Variants in RYR2 observed in about 807,000 individuals in gnomAD.
RYR2 encodes the protein ryanodine receptor 2.
In RYR2, 227 loss-of-function variants were observed where a neutral mutation model predicts 601.1. The ratio of observed to expected loss-of-function variants is 0.38; its 90% confidence interval spans 0.34 to 0.42. The LOEUF is 0.42. Ranked by LOEUF, RYR2 falls within the 10% of genes least tolerant of loss-of-function variation. The probability of loss-of-function intolerance (pLI) is 1.00; values close to 1 mark genes in which losing one functional copy is unlikely to be tolerated. For missense variants in RYR2, 4,646 were observed against 6,156.5 expected (o/e 0.75, Z 8.21); for synonymous variants, 2,223 against 2,175.1 (o/e 1.02, Z -0.61).
At chr1:237,675,583 T>G (rs1685324373) in intron 60 of RYR2, among the ~76,000 whole-genome samples, 1 of 152,164 alleles carries the variant, frequency 6.6e-6, no homozygotes, top group African/African-American at 2.4e-5. Flanking sequence ...TGGTGGTTAT[T>G]CATTTATTTT....
At chr1:237,511,863 G>GAAA (rs1665952835) in intron 24 of RYR2, 72 bp downstream of exon 24, 10 of 795,060 alleles carry the variant, frequency 1.3e-5, no homozygotes, top group Admixed American at 9.5e-5. Flanking sequence ...AAAAAAACAG[G>GAAA]TATTGATGCT....
intron 1 of RYR2, among the ~76,000 whole-genome samples, chr1:237,158,155 T>C (rs559800635): frequency 2.4e-4 from 37 of 152,354 alleles, no homozygotes; most frequent in Non-Finnish European, 2.4e-4. Flanking sequence ...GTACATGGCA[T>C]AGAAAGTACC....
intron 1 of RYR2, among the ~76,000 whole-genome samples, chr1:237,174,377 C>T (rs1473890415): frequency 6.6e-6 from 1 of 152,148 alleles, no homozygotes; most frequent in Non-Finnish European, 1.5e-5. Context: ...TCTTACATGA[C>T]CTGGTTTCCT....
intron 1 of RYR2, among the ~76,000 whole-genome samples, chr1:237,202,207 G>T (rs1292715775): frequency 2.0e-5 from 3 of 152,156 alleles, no homozygotes; most frequent in Non-Finnish European, 4.4e-5. Flanking sequence ...AGGCATGTGT[G>T]CCTGATATGC....
chr1:237,638,974 A>G (rs568975473), intron 45 of RYR2, 41 bp from the exon 46 acceptor site: 4 of 1,598,290 alleles, frequency 2.5e-6, no homozygotes, highest in South Asian at 2.2e-5. Context: ...GAACTTCCAT[A>G]TAATCATATT....
chr1:237,184,099 T>C (rs1007002324), intron 1 of RYR2, among the ~76,000 whole-genome samples: 1 of 147,962 alleles, frequency 6.8e-6, no homozygotes, highest in Non-Finnish European at 1.5e-5. Context: ...TGTCCTAGCA[T>C]TGATGTGTAA....
chr1:237,714,994 A>ATT (rs1689149172), intron 71 of RYR2, among the ~76,000 whole-genome samples: 1 of 81,406 alleles, frequency 1.2e-5, no homozygotes. Flanking sequence ...TCCATCTCAA[A>ATT]AAAAAAAAAA....
In RYR2 at chr1:237,830,387, C is replaced by T. The variant is rs1170759492; in HGVS notation, c.14656-143C>T. ...TTACAGCGACAGTTCCATTTATATT[C>T]GTGGGCTTGGCACAGCCTCCATGTG... On this transcript the variant is annotated intron_variant, in intron 102 of 104. Transcript: ENST00000366574. 5 of 595,718 alleles carry T rather than the reference C, an allele frequency of 8.4e-6. No homozygotes were observed. In the East Asian group the frequency reaches 1.2e-4, roughly 14 times the overall value. 36.9% of individuals were successfully genotyped at this position (595,718 alleles called of 1,614,324 possible).
At chr1:237,176,199 T>C (rs1225466398) in intron 1 of RYR2, among the ~76,000 whole-genome samples, 1 of 149,922 alleles carries the variant, frequency 6.7e-6, no homozygotes, top group African/African-American at 2.4e-5. Context: ...ATCACTTCAC[T>C]GCACTTCAGC....
In RYR2 at chr1:237,042,476, G is replaced by A. The variant is rs953865083; in HGVS notation, c.-46G>A. On this transcript the variant is annotated 5_prime_UTR_variant, in exon 1 of 105. Transcript: ENST00000366574. ...CGCCAGGGGCCGCCGCCGCCGCCGA[G>A]CTCCGCGGGGCTCGGGAGCCGGCCC... 4 of 1,242,354 alleles carry A rather than the reference G, an allele frequency of 3.2e-6. No homozygotes were observed. In the African/African-American group the frequency reaches 6.2e-5, roughly 19 times the overall value. The allele number at this position is 1,242,354 out of a possible 1,614,324, so 77.0% of individuals were successfully genotyped here. A position where few individuals can be genotyped will look rare whatever the true frequency, so the allele number is the denominator to read the frequency against.
Position 237,680,515 on chromosome 1 carries a change from A to G in RYR2, c.8955A>G (p.Ala2985=), listed in dbSNP as rs778754221. 6.2e-7 allele frequency: 1 copy of G among 1,600,910 alleles called. No individual in the cohort carries two copies. Among genetic ancestry groups the G allele is most frequent in the Non-Finnish European group, 8.6e-7 (1 of 1,169,196 alleles). Residue 2985 remains alanine, a synonymous_variant, in exon 62 of 105, where the codon GCA becomes GCG. Transcript: ENST00000366574. ...FKNHRLYFLS[A]ASRPLCSGGH... is the part of the protein sequence containing the mutation. ...ACCATCGTTTATACTTCTTATCTGC[A>G]GCAAGCAGACCTCTCTGCTCTGGAG... is the stretch of plus-strand genomic sequence containing the variant.
At chr1:237,301,942 T>A (rs185139538) in intron 2 of RYR2, among the ~76,000 whole-genome samples, 1 of 152,174 alleles carries the variant, frequency 6.6e-6, no homozygotes, top group Non-Finnish European at 1.5e-5. Flanking sequence ...GGCCCATTGA[T>A]CTAAAGAAAA....
intron 12 of RYR2, among the ~76,000 whole-genome samples, chr1:237,440,896 G>A (rs979832583): frequency 1.8e-4 from 28 of 151,742 alleles, no homozygotes; most frequent in African/African-American, 6.8e-4. Context: ...GGCTTAAAAG[G>A]TTTAATTAAC....
At chr1:237,790,757 C>T (rs962831348) in intron 92 of RYR2, among the ~76,000 whole-genome samples, 22 of 152,050 alleles carry the variant, frequency 1.4e-4, no homozygotes, top group African/African-American at 5.3e-4. Context: ...GTCCATATCC[C>T]ACACTAGGAA....
At chr1:237,493,219 T>A in intron 19 of RYR2, 132 bp downstream of exon 19, 1 of 976,308 alleles carries the variant, frequency 1.0e-6, no homozygotes, top group Non-Finnish European at 1.5e-6. Context: ...ATTTTTGCAG[T>A]GAATAATATG....
intron 27 of RYR2, among the ~76,000 whole-genome samples, chr1:237,553,646 A>G (rs2148135659): frequency 6.6e-6 from 1 of 152,050 alleles, no homozygotes; most frequent in African/African-American, 2.4e-5. Flanking sequence ...TATTTTAGCC[A>G]TATTTAGTCG....
At chr1:237,181,619 T>G (rs1437171951) in intron 1 of RYR2, among the ~76,000 whole-genome samples, 2 of 152,186 alleles carry the variant, frequency 1.3e-5, no homozygotes, top group Non-Finnish European at 2.9e-5. Flanking sequence ...GGCTCTGGTA[T>G]GCCTCAACTA....
At chr1:237,044,626 C>T (rs1007280932) in intron 1 of RYR2, among the ~76,000 whole-genome samples, 5 of 134,148 alleles carry the variant, frequency 3.7e-5, no homozygotes, top group African/African-American at 1.4e-4. Context: ...AAGGAGGTGA[C>T]ACAGTGGAGC....
intron 41 of RYR2, 114 bp from the exon 42 acceptor site, chr1:237,631,313 A>G: frequency 1.5e-6 from 1 of 673,062 alleles, no homozygotes; most frequent in Non-Finnish European, 2.6e-6. Context: ...AAATACTGTG[A>G]TTGCTTTTAC....
Sources: allele counts gnomAD v4.1 joint callset (sites outside exome capture counted in the v4.1 genomes callset), GRCh38; gene constraint gnomAD v4.1.1; transcripts MANE v1.5; gene names NCBI Gene and HGNC (gene_info 2026-07-23, HGNC 2026-07-21).